PPT2: variants seen among roughly 807,000 people sequenced by gnomAD.
PPT2 encodes the protein lysosomal thioesterase PPT2.
In PPT2, 20 loss-of-function variants were observed where a neutral mutation model predicts 37.3. The ratio of observed to expected loss-of-function variants is 0.54; its 90% CI spans 0.38 to 0.78. The LOEUF is 0.78. PPT2 is among the 30% of genes least tolerant of loss of function. PPT2 has a pLI of 0.00. For missense variants in PPT2, 270 were observed against 389.8 expected, an observed-to-expected ratio of 0.69 and a Z score of 2.59; for synonymous variants, 135 against 159.1, an observed-to-expected ratio of 0.85 and a Z score of 1.14.
chr6:32,159,672 T>C (rs62402751), intron 7 of PPT2, among the ~76,000 whole-genome samples: 1 of 151,548 alleles, frequency 6.6e-6, no homozygotes. Flanking sequence ...TGAATGACAG[T>C]GATAGCTCAT....
In PPT2 at chr6:32,162,978, C is replaced by T. The variant is rs750535718; in HGVS notation, c.*28C>T. 21 of 1,596,922 alleles carry T rather than the reference C, an allele frequency of 1.3e-5. No individual in the cohort carries two copies. The South Asian group carries it at 2.4e-4, about 18-fold the overall frequency. On this transcript the variant is annotated 3_prime_UTR_variant, in exon 9 of 9. Coordinates refer to ENST00000324816, the MANE Select transcript of PPT2 (RefSeq NM_005155.7). The surrounding 1 kb of genome is among the most constrained non-coding windows in gnomAD (Gnocchi z 5.5). ...ATATATTCAGGGGTCCCCAGGAACT[C>T]CTCGGTCCAGAGACCAAGTGGTGGC... is the stretch of plus-strand genomic sequence containing the variant.
Position 32,155,927 on chromosome 6 carries a change from A to G in PPT2, c.490A>G (p.Ile164Val). 6.2e-7 allele frequency: 1 copy of G among 1,613,988 alleles called. No individual in the cohort carries two copies. Among genetic ancestry groups the G allele is most frequent in the Non-Finnish European group, 8.5e-7 (1 of 1,180,016 alleles). The change falls in exon 5 of 9, where the codon ATC becomes GTC. Residue 164 changes from isoleucine (I) to valine (V), a missense_variant. Transcript: ENST00000324816. This position sits in a 1 kb window ranked among gnomAD's most constrained non-coding sequence, Gnocchi z 4.3. ...CTCCATGCGGTCTAACCTCTATCGG[A>G]TCTGCTATAGCCCCTGGGGCCAGGA... ...PTSMRSNLYRICYSPWGQEFS... is the reference protein window; with the variant it reads ...PTSMRSNLYRVCYSPWGQEFS...
Position 32,155,043 on chromosome 6 carries a change from C to T in PPT2, c.197C>T (p.Thr66Ile), listed in dbSNP as rs1783664911. ...LEYINETHPG[T>I]VVTVLDLFDG... is the part of the protein sequence containing the mutation. ...CCCTTCCCACAGACACACCCCGGGA[C>T]TGTGGTGACAGTGCTCGATCTCTTC... Residue 66 changes from threonine (T) to isoleucine (I), a missense_variant, in exon 3 of 9, where the codon ACT becomes ATT. Coordinates refer to ENST00000324816, the MANE Select transcript of PPT2 (RefSeq NM_005155.7). This position sits in a 1 kb window ranked among gnomAD's most constrained non-coding sequence, Gnocchi z 4.3. The T allele has an allele frequency of 1.9e-6, 3 of 1,612,930 alleles. No individual in the cohort carries two copies. The highest frequency in any genetic ancestry group is 1.3e-5 in the African/African-American group (1 of 74,906).
chr6:32,156,133 G>A lies in PPT2; in HGVS notation c.541+155G>A, dbSNP rs1401410672. 6.6e-6 allele frequency among the ~76,000 whole-genome samples: 1 copy of A among 151,240 alleles called. No individual in the cohort carries two copies. Among genetic ancestry groups the A allele is most frequent in the Non-Finnish European group, 1.5e-5 (1 of 67,868 alleles). On this transcript the variant is annotated intron_variant, in intron 5 of 8. Coordinates refer to ENST00000324816, the MANE Select transcript of PPT2 (RefSeq NM_005155.7). The surrounding 1 kb of genome is among the most constrained non-coding windows in gnomAD (Gnocchi z 4.9). ...GAATTTTTTTTTTTTTTGAGACGGA[G>A]TCTTGTTCTGTTGCCCAGGCTGGAG...
At position 32,156,777 on chromosome 6, in the gene PPT2, T is replaced by C. The variant is rs1031970849; in HGVS notation, c.541+799T>C. On this transcript the variant is annotated intron_variant, in intron 5 of 8. Transcript: ENST00000324816. This position sits in a 1 kb window ranked among gnomAD's most constrained non-coding sequence, Gnocchi z 4.9. ...ATTCTGTTACTCAGTTTTCCTTATC[T>C]GTAAAATATTATAGCATGTACTTCA... Among the ~76,000 whole-genome samples, 2 of 152,162 alleles carry C rather than the reference T, an allele frequency of 1.3e-5. No homozygotes were observed. Among genetic ancestry groups the C allele is most frequent in the African/African-American group, 4.8e-5 (2 of 41,414 alleles).
At chr6:32,153,673 T>A, upstream of PPT2, 1 of 172,554 alleles carries the variant, frequency 5.8e-6, no homozygotes, top group Non-Finnish European at 1.2e-5. This position sits in a 1 kb window ranked among gnomAD's most constrained non-coding sequence, Gnocchi z 4.4. Flanking sequence ...GAGGGTGGGG[T>A]GGGGTGGGTG....
chr6:32,161,692 A>G (rs1455981405), intron 7 of PPT2, among the ~76,000 whole-genome samples: 5 of 149,756 alleles, frequency 3.3e-5, no homozygotes, highest in Admixed American at 1.3e-4. Context: ...GAATCAAGCA[A>G]TTCTCCTGCC....
At chr6:32,153,872 A>T (rs1449404023), upstream of PPT2, 23 of 1,138,986 alleles carry the variant, frequency 2.0e-5, no homozygotes, top group Non-Finnish European at 1.2e-6. This position sits in a 1 kb window ranked among gnomAD's most constrained non-coding sequence, Gnocchi z 4.4. Context: ...AGGCGGGGAA[A>T]TCGGACTTTT....
At chr6:32,159,724 C>CT (rs1262133551) in intron 7 of PPT2, among the ~76,000 whole-genome samples, 1,578 of 141,804 alleles carry the variant, frequency 0.011, 27 homozygotes, top group African/African-American at 0.035. Flanking sequence ...CTGTTTCTTC[C>CT]TTTTTTTTTT....
Position 32,154,512 on chromosome 6 carries a change from T to C in PPT2, c.-8-75T>C. ...GGTGTGGGAGCGAGAGGAGGTGGCT[T>C]GATTGCCGGGCGTCTGTTCCGAGGG... On this transcript the variant is annotated intron_variant, in intron 1 of 8. Transcript: ENST00000324816. This position sits in a 1 kb window ranked among gnomAD's most constrained non-coding sequence, Gnocchi z 7.3. 6.5e-7 allele frequency: 1 copy of C among 1,531,672 alleles called. No homozygotes were observed. The highest frequency in any genetic ancestry group is 8.8e-7 in the Non-Finnish European group (1 of 1,136,582). 94.9% of individuals were successfully genotyped at this position (1,531,672 alleles called of 1,614,324 possible).
In PPT2 at chr6:32,162,794, G is replaced by C; in HGVS notation, c.766-13G>C. The C allele has an allele frequency of 6.2e-7, 1 of 1,612,130 alleles. No individual in the cohort carries two copies. Among genetic ancestry groups the C allele is most frequent in the Non-Finnish European group, 8.5e-7 (1 of 1,179,140 alleles). ...CTCTTCCATGCTTCCACGCCCCTTC[G>C]ACCACCTTGAAGGTTTATCTGCGGG... On this transcript the variant is annotated splice_polypyrimidine_tract_variant and intron_variant, in intron 8 of 8. Transcript: ENST00000324816. The surrounding 1 kb of genome is among the most constrained non-coding windows in gnomAD (Gnocchi z 5.5).
intron 7 of PPT2, among the ~76,000 whole-genome samples, chr6:32,161,439 A>G (rs1784148381): frequency 6.6e-6 from 1 of 151,944 alleles, no homozygotes; most frequent in Non-Finnish European, 1.5e-5. Context: ...ATAGGCGCCC[A>G]CCACCATGCC....
At position 32,157,644 on chromosome 6, in the gene PPT2, C is replaced by A; in HGVS notation, c.549C>A (p.His183Gln). ...FSICNYWHDP[H>Q]HDDLYLNASS... ...ACTGCTGTTTGTACCCAGATCCCCA[C>A]CACGATGACTTGTACCTCAATGCCA... The change falls in exon 6 of 9, where the codon CAC becomes CAA. Residue 183 changes from histidine (H) to glutamine (Q), a missense_variant. Transcript: ENST00000324816. 6.3e-7 allele frequency: 1 copy of A among 1,595,544 alleles called. No homozygotes were observed. The highest frequency in any genetic ancestry group is 8.6e-7 in the Non-Finnish European group (1 of 1,163,946).
In PPT2 at chr6:32,157,473, A is replaced by C. The variant is rs566704353; in HGVS notation, c.542-164A>C. On this transcript the variant is annotated intron_variant, in intron 5 of 8. Coordinates refer to ENST00000324816, the MANE Select transcript of PPT2 (RefSeq NM_005155.7). ...AGTGATCCACCTGCCTCTACCTCCC[A>C]AAGTGCTGGGATTACAGGTGTGAGC... 6.3e-5 allele frequency: 40 copies of C among 639,598 alleles called. No homozygotes were observed. In the African/African-American group the frequency reaches 7.1e-4, roughly 11 times the overall value. 39.6% of individuals were successfully genotyped at this position (639,598 alleles called of 1,614,324 possible). A position where few individuals can be genotyped will look rare whatever the true frequency, so the allele number is the denominator to read the frequency against.
intron 7 of PPT2, among the ~76,000 whole-genome samples, chr6:32,159,094 C>A (rs1783974036): frequency 6.6e-6 from 1 of 151,970 alleles, no homozygotes; most frequent in Admixed American, 6.6e-5. Flanking sequence ...CCCATCAGCA[C>A]CATCCATCTC....
chr6:32,158,224 C>T (rs957447557), intron 7 of PPT2: 3 of 376,124 alleles, frequency 8.0e-6, no homozygotes, highest in East Asian at 4.3e-5. Context: ...GATAGTATAG[C>T]AAGGCCCTTC....
Position 32,154,888 on chromosome 6 carries a change from G to A in PPT2, c.183+111G>A. 6.6e-7 allele frequency: 1 copy of A among 1,519,078 alleles called. No homozygotes were observed. The highest frequency in any genetic ancestry group is 9.0e-7 in the Non-Finnish European group (1 of 1,115,048). 94.1% of individuals were successfully genotyped at this position (1,519,078 alleles called of 1,614,324 possible). ...CTGGGCCTGCCCAGTTCCTCAGGGA[G>A]CTGGTGCTGGCGTGGGGGAGAGTTG... On this transcript the variant is annotated intron_variant, in intron 2 of 8. Coordinates refer to ENST00000324816, the MANE Select transcript of PPT2 (RefSeq NM_005155.7). This position sits in a 1 kb window ranked among gnomAD's most constrained non-coding sequence, Gnocchi z 7.3.
rs1308007398 is a variant in PPT2, at chr6:32,163,225, G to A, written c.*275G>A. 4.5e-6 allele frequency: 2 copies of A among 443,282 alleles called. No homozygotes were observed. Among genetic ancestry groups the A allele is most frequent in the Non-Finnish European group, 7.9e-6 (2 of 251,962 alleles). The allele number at this position is 443,282 out of a possible 1,614,324, so 27.5% of individuals were successfully genotyped here. On this transcript the variant is annotated 3_prime_UTR_variant, in exon 9 of 9. Coordinates refer to ENST00000324816, the MANE Select transcript of PPT2 (RefSeq NM_005155.7). ...CCCTTTCTCTCAAGGCCGAAGTTGG[G>A]AAGTGAGAAACCATGTTTTTAACTT... is the stretch of plus-strand genomic sequence containing the variant.
At position 32,157,831 on chromosome 6, in the gene PPT2, A is replaced by G; in HGVS notation, c.626-9A>G. On this transcript the variant is annotated splice_polypyrimidine_tract_variant and intron_variant, in intron 6 of 8. Coordinates refer to ENST00000324816, the MANE Select transcript of PPT2 (RefSeq NM_005155.7). ...GGCTGACTCAGCCTCTCTTCTTCCCATCCTACAGTATGGCGGAAGAACTTT... is the reference window on the plus strand; with the variant it reads ...GGCTGACTCAGCCTCTCTTCTTCCCGTCCTACAGTATGGCGGAAGAACTTT... 2 of 1,611,140 alleles carry G rather than the reference A, an allele frequency of 1.2e-6. No individual in the cohort carries two copies. The highest frequency in any genetic ancestry group is 1.7e-6 in the Non-Finnish European group (2 of 1,178,358).
Sources: allele counts gnomAD v4.1 joint callset (sites outside exome capture counted in the v4.1 genomes callset), GRCh38; gene constraint gnomAD v4.1.1; non-coding constraint Gnocchi (gnomAD v3.1); transcripts MANE v1.5; gene names NCBI Gene and HGNC (gene_info 2026-07-23, HGNC 2026-07-21).